The following SAMMSON variants were observed in gnomAD, a reference collection of about 807,000 sequenced individuals.
The protein encoded by SAMMSON is long intergenic non-protein coding RNA 1212.
chr3:70,281,273 C>T (rs1226698025), intron 6 of SAMMSON, among the ~76,000 whole-genome samples: 2 of 152,132 alleles, frequency 1.3e-5, no homozygotes, highest in South Asian at 2.1e-4. Context: ...TCCCCAGATT[C>T]GTGTCAATGC....
chr3:70,107,404 T>C (rs947495132), intron 4 of SAMMSON, among the ~76,000 whole-genome samples: 1 of 151,988 alleles, frequency 6.6e-6, no homozygotes, highest in African/African-American at 2.4e-5. Context: ...AAATTGGGAG[T>C]GGTCTCGGTT....
chr3:70,243,918 G>A (rs894804376), intron 4 of SAMMSON, among the ~76,000 whole-genome samples: 1 of 152,170 alleles, frequency 6.6e-6, no homozygotes, highest in African/African-American at 2.4e-5. Flanking sequence ...GTTTCCTAGA[G>A]TAAGTAACAG....
At chr3:70,125,167 C>A in intron 4 of SAMMSON, 1 of 1,577,526 alleles carries the variant, frequency 6.3e-7, no homozygotes, top group Non-Finnish European at 8.7e-7. Flanking sequence ...CATTAGCTTC[C>A]TTTAAGGCTT....
rs532828133 is a variant in SAMMSON, at chr3:70,255,909, C to T, written n.674+6239C>T. Among the ~76,000 whole-genome samples the T allele has an allele frequency of 2.6e-5, 4 of 152,094 alleles. No individual in the cohort carries two copies. In the East Asian group the frequency reaches 5.8e-4, roughly 22 times the overall value. On this transcript the variant is annotated intron_variant and non_coding_transcript_variant, in intron 6 of 9. Transcript: ENST00000642114. ...AAACTGTGTGGATCCTGAGCATTTA[C>T]AGGAAAAAAATTCTAATTACAGGGA...
At chr3:70,431,158 A>G (rs1231791066) in intron 2 of SAMMSON, among the ~76,000 whole-genome samples, 4 of 152,120 alleles carry the variant, frequency 2.6e-5, no homozygotes, top group African/African-American at 9.6e-5. Context: ...GCCTCAGAAA[A>G]GCTCAAAATG....
At chr3:70,416,408 C>A (rs576241777) in intron 2 of SAMMSON, among the ~76,000 whole-genome samples, 1 of 152,230 alleles carries the variant, frequency 6.6e-6, no homozygotes, top group South Asian at 2.1e-4. Context: ...TGGAGTACAT[C>A]TAGTTACAAG....
chr3:70,434,545 A>T (rs111582905), intron 2 of SAMMSON, among the ~76,000 whole-genome samples: 140 of 152,160 alleles, frequency 9.2e-4, no homozygotes, highest in African/African-American at 3.2e-3. Context: ...ATATGTAGAC[A>T]ACTGTGTCAT....
At chr3:70,072,523 A>C (rs1465536151) in intron 4 of SAMMSON, 2 of 151,832 alleles carry the variant, frequency 1.3e-5, no homozygotes, top group Non-Finnish European at 2.9e-5. Flanking sequence ...AAAGAAAAAA[A>C]AATCTCCTCC....
intron 9 of SAMMSON, among the ~76,000 whole-genome samples, chr3:70,364,657 T>C (rs1421841910): frequency 6.6e-6 from 1 of 151,890 alleles, no homozygotes; most frequent in African/African-American, 2.4e-5. Flanking sequence ...CAAGTCTTAT[T>C]TATTTTATCC....
At chr3:70,338,409 A>T (rs750016918) in intron 7 of SAMMSON, among the ~76,000 whole-genome samples, 25 of 152,292 alleles carry the variant, frequency 1.6e-4, no homozygotes, top group South Asian at 8.3e-4. Flanking sequence ...AACAGCAGGC[A>T]GGCAGGAGAA....
intron 9 of SAMMSON, among the ~76,000 whole-genome samples, chr3:70,364,807 C>T (rs1275214593): frequency 6.6e-6 from 1 of 151,626 alleles, no homozygotes; most frequent in Non-Finnish European, 1.5e-5. Flanking sequence ...AGCTTTATTT[C>T]CCCTTACTGT....
At chr3:70,392,478 T>C (rs568503313), downstream of SAMMSON, among the ~76,000 whole-genome samples, 8 of 152,154 alleles carry the variant, frequency 5.3e-5, no homozygotes, top group Non-Finnish European at 1.2e-4. Context: ...CTCAGGACTT[T>C]GCAGCCTCGT....
At chr3:70,121,340 TCTC>T (rs1303543478) in intron 4 of SAMMSON, among the ~76,000 whole-genome samples, 1 of 152,064 alleles carries the variant, frequency 6.6e-6, no homozygotes, top group African/African-American at 2.4e-5. Context: ...CAGCCTTTCA[TCTC>T]CTCCTCTCAG....
chr3:70,017,938 G>A (rs1024490997), intron 3 of SAMMSON, among the ~76,000 whole-genome samples: 8 of 152,072 alleles, frequency 5.3e-5, no homozygotes, highest in African/African-American at 1.9e-4. Context: ...TGAAGCCCAC[G>A]TGATCATGGT....
intron 4 of SAMMSON, among the ~76,000 whole-genome samples, chr3:70,147,285 A>C (rs910233669): frequency 6.6e-6 from 1 of 152,078 alleles, no homozygotes; most frequent in Non-Finnish European, 1.5e-5. Flanking sequence ...TTTGAAATTC[A>C]AGAATATTTT....
At chr3:70,387,859 T>A (rs149525149) in intron 9 of SAMMSON, among the ~76,000 whole-genome samples, 144 of 152,276 alleles carry the variant, frequency 9.5e-4, no homozygotes, top group African/African-American at 3.4e-3. Context: ...TAGGAGTTAC[T>A]TGAATTGCCT....
chr3:70,364,565 C>T (rs994512677), intron 9 of SAMMSON, among the ~76,000 whole-genome samples: 1 of 151,830 alleles, frequency 6.6e-6, no homozygotes, highest in African/African-American at 2.4e-5. Context: ...AAATGCAAGA[C>T]ATTCACTAAG....
intron 3 of SAMMSON, among the ~76,000 whole-genome samples, chr3:70,035,721 A>G (rs2067082981): frequency 1.3e-5 from 2 of 152,268 alleles, no homozygotes; most frequent in South Asian, 2.1e-4. Flanking sequence ...TAACCTTTCA[A>G]CTGATGATAG....
intron 4 of SAMMSON, chr3:70,125,158 A>G: frequency 6.4e-7 from 1 of 1,574,732 alleles, no homozygotes; most frequent in Non-Finnish European, 8.7e-7. Context: ...GCACATATCC[A>G]TTAGCTTCCT....
Sources: gnomAD v4.1 joint callset for allele counts (sites outside exome capture counted in the v4.1 genomes callset) on GRCh38, gnomAD v4.1.1 for gene constraint, MANE v1.5 for transcripts, NCBI Gene and HGNC (gene_info 2026-07-23, HGNC 2026-07-21) for gene names.